The following TMEM65 variants were observed in gnomAD, a reference collection of about 807,000 sequenced individuals.
TMEM65 encodes the protein transmembrane protein 65.
In TMEM65, 22 loss-of-function variants were observed where a neutral mutation model predicts 25.4. That is an observed-to-expected ratio of 0.86 (90% CI 0.62 to 1.23). The LOEUF (loss-of-function observed/expected upper bound fraction) is 1.23, where lower values mean the gene tolerates loss of function less well. Ranked by LOEUF, TMEM65 falls within the 50% of genes most tolerant of loss-of-function variation. The pLI is 0.00. For synonymous variants in TMEM65, 132 were observed against 126.2 expected (o/e 1.05, Z -0.31); for missense variants, 262 against 308.2 (o/e 0.85, Z 1.12).
chr8:124,360,410 A>G (rs1814844151), intron 1 of TMEM65, among the ~76,000 whole-genome samples: 1 of 143,514 alleles, frequency 7.0e-6, no homozygotes, highest in Non-Finnish European at 1.5e-5. Flanking sequence ...AGCCTAGGTG[A>G]CAGAGGGAGA....
intron 4 of TMEM65, 95 bp from the exon 5 acceptor site, chr8:124,322,242 A>G (rs1168975513): frequency 2.1e-6 from 2 of 934,732 alleles, no homozygotes; most frequent in East Asian, 2.9e-5. Flanking sequence ...GAGTTCTCAT[A>G]TTTCTCAAAC....
chr8:124,372,070 A>G lies in TMEM65; in HGVS notation c.88T>C (p.Ser30Pro). ...PAAAAAPRPP[S>P]WCCCGRGLLA... ...AGCCCCCGCCCGCAGCAGCACCAGG[A>G]CGGCGGGCGGGGCGCGGCGGCGGCG... Residue 30 changes from serine (S) to proline (P), a missense_variant, in exon 1 of 7, where the codon TCC becomes CCC. Coordinates refer to ENST00000297632, the MANE Select transcript of TMEM65 (RefSeq NM_194291.3). The G allele has an allele frequency of 1.7e-6, 2 of 1,149,106 alleles. No homozygotes were observed. Among genetic ancestry groups the G allele is most frequent in the Non-Finnish European group, 2.1e-6 (2 of 937,018 alleles). The allele number at this position is 1,149,106 out of a possible 1,614,324, so 71.2% of individuals were successfully genotyped here. A position where few individuals can be genotyped will look rare whatever the true frequency, so the allele number is the denominator to read the frequency against.
At chr8:124,369,671 A>G (rs1814986970) in intron 1 of TMEM65, among the ~76,000 whole-genome samples, 1 of 152,232 alleles carries the variant, frequency 6.6e-6, no homozygotes. Context: ...TGTTGATTTC[A>G]GCAATGGAAT....
chr8:124,323,355 A>G lies in TMEM65; in HGVS notation c.438T>C (p.Ser146=), dbSNP rs1814329057. 1.1e-5 allele frequency: 17 copies of G among 1,511,040 alleles called. No homozygotes were observed. The highest frequency in any genetic ancestry group is 1.9e-5 in the Admixed American group (1 of 52,894). The allele number at this position is 1,511,040 out of a possible 1,614,324, so 93.6% of individuals were successfully genotyped here. A position where few individuals can be genotyped will look rare whatever the true frequency, so the allele number is the denominator to read the frequency against. Residue 146 remains serine, a synonymous_variant, in exon 4 of 7, where the codon TCT becomes TCC. Transcript: ENST00000297632. The stretch of plus-strand genomic sequence containing the variant: ...TTGAAATTCCCAAAATAATTCCAAT[A>G]GACATTTCAATATGGGTTCCCTGAA... ...MIVAGTHIEM[S]IGIILGISTM...
chr8:124,353,744 T>C (rs1286882150), intron 1 of TMEM65, among the ~76,000 whole-genome samples: 5 of 152,180 alleles, frequency 3.3e-5, no homozygotes, highest in African/African-American at 1.2e-4. Context: ...AGAAACCAGC[T>C]TGAAGGGGTT....
chr8:124,360,212 C>T (rs916726142), intron 1 of TMEM65, among the ~76,000 whole-genome samples: 1 of 151,918 alleles, frequency 6.6e-6, no homozygotes, highest in Admixed American at 6.6e-5. Flanking sequence ...AGGCAGATCA[C>T]GAGGTCAGGA....
intron 6 of TMEM65, among the ~76,000 whole-genome samples, chr8:124,315,839 T>C (rs1403596282): frequency 1.3e-5 from 2 of 152,218 alleles, no homozygotes; most frequent in African/African-American, 4.8e-5. Flanking sequence ...GAAGAAATTT[T>C]CTTCATTCCA....
At chr8:124,356,076 ATCC>A (rs1424996318) in intron 1 of TMEM65, among the ~76,000 whole-genome samples, 2 of 152,190 alleles carry the variant, frequency 1.3e-5, no homozygotes, top group Non-Finnish European at 2.9e-5. Flanking sequence ...CTCTACCTGG[ATCC>A]TTCTCCCAAT....
chr8:124,340,919 G>A (rs1814577026), intron 1 of TMEM65, among the ~76,000 whole-genome samples: 1 of 151,962 alleles, frequency 6.6e-6, no homozygotes, highest in South Asian at 2.1e-4. Context: ...AACATGTTCT[G>A]TGCCACACTG....
chr8:124,344,024 C>T (rs766205538), intron 1 of TMEM65, among the ~76,000 whole-genome samples: 17 of 152,150 alleles, frequency 1.1e-4, no homozygotes, highest in Non-Finnish European at 2.5e-4. Flanking sequence ...AATAATGGAG[C>T]CTTAGACAAA....
At chr8:124,351,034 A>G in intron 1 of TMEM65, 1 of 985,224 alleles carries the variant, frequency 1.0e-6, no homozygotes, top group Non-Finnish European at 1.2e-6. Context: ...AGACTGTACT[A>G]TACCAAAGCT....
At chr8:124,321,606 T>G (rs72711163) in intron 5 of TMEM65, among the ~76,000 whole-genome samples, 173 of 152,282 alleles carry the variant, frequency 1.1e-3, no homozygotes, top group Non-Finnish European at 2.2e-3. Context: ...CCTTTGAAAG[T>G]TCCCCCCTCT....
intron 1 of TMEM65, among the ~76,000 whole-genome samples, chr8:124,346,270 T>G (rs1353923637): frequency 6.6e-6 from 1 of 152,120 alleles, no homozygotes; most frequent in Non-Finnish European, 1.5e-5. Flanking sequence ...ATCCAATCAC[T>G]TCCTACCAGG....
intron 3 of TMEM65, among the ~76,000 whole-genome samples, chr8:124,326,688 T>C (rs1814369657): frequency 6.6e-6 from 1 of 152,074 alleles, no homozygotes; most frequent in African/African-American, 2.4e-5. Flanking sequence ...TGCATTTTAA[T>C]TATGGATCTA....
rs879677456 is a variant in TMEM65, at chr8:124,310,950, A to C, written c.*3010T>G. 18 of 152,180 alleles carry C rather than the reference A, an allele frequency of 1.2e-4. No individual in the cohort carries two copies. The highest frequency in any genetic ancestry group is 1.3e-4 in the Non-Finnish European group (9 of 68,032). The allele number at this position is 152,180 out of a possible 1,614,324, so 9.4% of individuals were successfully genotyped here. A position where few individuals can be genotyped will look rare whatever the true frequency, so the allele number is the denominator to read the frequency against. ...CTAAGAAAAAGGTTATATTATATTT[A>C]ATATACTGTCTTAAGATGGCGAGAA... On this transcript the variant is annotated 3_prime_UTR_variant, in exon 7 of 7. Transcript: ENST00000297632.
In TMEM65 at chr8:124,369,055, A is replaced by G. The variant is rs561568037; in HGVS notation, c.304+2799T>C. ...TTTAAAAATTTTGGCTAACATTGAA[A>G]GGCCACTGTAATAATGTCAGCTTGC... On this transcript the variant is annotated intron_variant, in intron 1 of 6. Coordinates refer to ENST00000297632, the MANE Select transcript of TMEM65 (RefSeq NM_194291.3). 3.9e-5 allele frequency among the ~76,000 whole-genome samples: 6 copies of G among 152,348 alleles called. No homozygotes were observed. The East Asian group carries it at 1.2e-3, about 29-fold the overall frequency.
chr8:124,327,448 A>G (rs1259581902), intron 2 of TMEM65, 27 bp from the exon 3 acceptor site: 1 of 1,449,114 alleles, frequency 6.9e-7, no homozygotes, highest in Non-Finnish European at 9.5e-7. Flanking sequence ...ACAGAAAAAT[A>G]TATTTTAAGA....
At chr8:124,344,245 G>A (rs1165480486) in intron 1 of TMEM65, among the ~76,000 whole-genome samples, 1 of 152,128 alleles carries the variant, frequency 6.6e-6, no homozygotes, top group African/African-American at 2.4e-5. Context: ...ATAACCAACT[G>A]GAAAATGAAC....
At chr8:124,340,552 T>C (rs1322851124) in intron 1 of TMEM65, among the ~76,000 whole-genome samples, 2 of 152,202 alleles carry the variant, frequency 1.3e-5, no homozygotes, top group African/African-American at 4.8e-5. Context: ...CACAGATACA[T>C]GACTTTTCCT....
Sources: allele counts gnomAD v4.1 joint callset (sites outside exome capture counted in the v4.1 genomes callset), GRCh38; gene constraint gnomAD v4.1.1; transcripts MANE v1.5; gene names NCBI Gene and HGNC (gene_info 2026-07-23, HGNC 2026-07-21).